GPBP1: variants seen among roughly 807,000 people sequenced by gnomAD.
GPBP1 encodes GC-rich promoter binding protein 1, also known as vasculin.
GPBP1 carries 13 observed loss-of-function variants against 56.5 expected under a neutral mutation model. That is an observed-to-expected ratio of 0.23 (90% CI 0.15 to 0.37). GPBP1 has a LOEUF of 0.37. Among genes scored for constraint, GPBP1 ranks in the 10% least tolerant of loss-of-function variants. The pLI is 1.00. For synonymous variants in GPBP1, 204 were observed against 188.9 expected (o/e 1.08, Z -0.66); for missense variants, 477 against 572.3 (o/e 0.83, Z 1.70).
intron 6 of GPBP1, among the ~76,000 whole-genome samples, chr5:57,240,103 T>C (rs1406342685): frequency 6.6e-6 from 1 of 151,942 alleles, no homozygotes; most frequent in African/African-American, 2.4e-5. Context: ...AATAAAAAAT[T>C]AACTGGACGT....
chr5:57,240,171 A>C (rs1012847085), intron 6 of GPBP1, among the ~76,000 whole-genome samples: 5 of 152,036 alleles, frequency 3.3e-5, no homozygotes, highest in Non-Finnish European at 4.4e-5. Flanking sequence ...GGACTGCTTG[A>C]GCCCATGATT....
chr5:57,232,147 C>T (rs1237176224), intron 5 of GPBP1, among the ~76,000 whole-genome samples: 1 of 151,974 alleles, frequency 6.6e-6, no homozygotes, highest in African/African-American at 2.4e-5. Context: ...TTGAGTAGCT[C>T]CTCTAGGACT....
chr5:57,209,290 G>A (rs1382537213), intron 2 of GPBP1, among the ~76,000 whole-genome samples: 2 of 151,998 alleles, frequency 1.3e-5, no homozygotes, highest in Non-Finnish European at 1.5e-5. Flanking sequence ...TTCCCAATTT[G>A]GATGCCATTT....
At chr5:57,248,520 C>T (rs2408687) in intron 8 of GPBP1, among the ~76,000 whole-genome samples, 85,492 of 150,008 alleles carry the variant, frequency 0.57, 24,505 homozygotes, top group East Asian at 0.84. Flanking sequence ...CTCCGCCTCC[C>T]GGGTTCACGC....
intron 6 of GPBP1, chr5:57,245,619 A>G (rs1340109382): frequency 6.6e-6 from 1 of 152,228 alleles, no homozygotes; most frequent in Non-Finnish European, 1.5e-5. Flanking sequence ...TGATTAAATT[A>G]TAGGAATAAT....
intron 3 of GPBP1, among the ~76,000 whole-genome samples, chr5:57,226,856 C>CA (rs931642412): frequency 6.7e-6 from 1 of 148,876 alleles, no homozygotes; most frequent in Non-Finnish European, 1.5e-5. Context: ...TCTCCTGCCT[C>CA]AGTCTCCCAA....
intron 5 of GPBP1, among the ~76,000 whole-genome samples, chr5:57,234,606 G>A (rs1233035067): frequency 6.6e-6 from 1 of 152,070 alleles, no homozygotes; most frequent in East Asian, 1.9e-4. Context: ...AAATTATTGG[G>A]GCCAGTCTAA....
chr5:57,206,750 C>T (rs1038429054), intron 2 of GPBP1, among the ~76,000 whole-genome samples: 1 of 152,124 alleles, frequency 6.6e-6, no homozygotes, highest in Admixed American at 6.6e-5. Flanking sequence ...TTTGAAAAGA[C>T]AATTCCGTAT....
chr5:57,219,712 T>G (rs1261451815), intron 3 of GPBP1, among the ~76,000 whole-genome samples: 1 of 152,120 alleles, frequency 6.6e-6, no homozygotes, highest in Non-Finnish European at 1.5e-5. Context: ...TAAGACTTCT[T>G]GTAATTTTTA....
chr5:57,178,128 C>A (rs1036342457), intron 2 of GPBP1, among the ~76,000 whole-genome samples: 1 of 152,164 alleles, frequency 6.6e-6, no homozygotes, highest in South Asian at 2.1e-4. Flanking sequence ...GTATTTTGTT[C>A]ATTCCTCAAT....
chr5:57,220,531 C>G (rs910298858), intron 3 of GPBP1, among the ~76,000 whole-genome samples: 3 of 150,186 alleles, frequency 2.0e-5, no homozygotes, highest in Admixed American at 6.7e-5. Flanking sequence ...GTGATCTCTG[C>G]TCACTGTAAC....
At chr5:57,249,068 A>G in intron 8 of GPBP1, 1 of 170,684 alleles carries the variant, frequency 5.9e-6, no homozygotes, top group Non-Finnish European at 1.2e-5. Flanking sequence ...CTGTTACTGA[A>G]CTCTAGAACT....
chr5:57,187,529 G>T (rs140330047), intron 2 of GPBP1, among the ~76,000 whole-genome samples: 2 of 152,106 alleles, frequency 1.3e-5, no homozygotes, highest in African/African-American at 2.4e-5. Context: ...TCCTCTGTCC[G>T]TGAAGTTTGC....
intron 2 of GPBP1, among the ~76,000 whole-genome samples, chr5:57,207,921 C>T (rs933117049): frequency 3.9e-5 from 6 of 152,038 alleles, no homozygotes; most frequent in African/African-American, 9.7e-5. Context: ...TGTGTTCTTC[C>T]GCCGATATGT....
chr5:57,221,031 A>AT (rs1755938660), intron 3 of GPBP1, among the ~76,000 whole-genome samples: 1 of 152,150 alleles, frequency 6.6e-6, no homozygotes, highest in African/African-American at 2.4e-5. Flanking sequence ...GGCAGTATTT[A>AT]TTTTTTGTTT....
chr5:57,216,411 G>C (rs185960934), intron 3 of GPBP1, among the ~76,000 whole-genome samples: 1 of 152,178 alleles, frequency 6.6e-6, no homozygotes, highest in Admixed American at 6.5e-5. Context: ...AGTATAACTG[G>C]GGAAAACGAT....
In GPBP1 at chr5:57,263,614, A is replaced by G. The variant is rs1350575422; in HGVS notation, c.*862A>G. On this transcript the variant is annotated 3_prime_UTR_variant, in exon 12 of 12. Coordinates refer to ENST00000506184, the MANE Select transcript of GPBP1 (RefSeq NM_022913.4). ...TGTTGTTTTCTGTAGTGTTCAAGGT[A>G]TTGTTTCTAAACATAAACATACTCT... is the stretch of plus-strand genomic sequence containing the variant. The G allele has an allele frequency of 6.6e-6, 1 of 152,192 alleles. No individual in the cohort carries two copies. The highest frequency in any genetic ancestry group is 2.4e-5 in the African/African-American group (1 of 41,458). 9.4% of individuals were successfully genotyped at this position (152,192 alleles called of 1,614,324 possible). A position where few individuals can be genotyped will look rare whatever the true frequency, so the allele number is the denominator to read the frequency against.
intron 2 of GPBP1, among the ~76,000 whole-genome samples, chr5:57,180,772 C>T (rs148274686): frequency 0.02 from 3,101 of 152,156 alleles, 106 homozygotes; most frequent in African/African-American, 0.071. Context: ...GACAGAGTCT[C>T]GCTCTGTCAC....
chr5:57,174,924 C>G (rs747096515), intron 1 of GPBP1, among the ~76,000 whole-genome samples: 2 of 152,176 alleles, frequency 1.3e-5, no homozygotes, highest in African/African-American at 2.4e-5. Context: ...GTTTGCCCTA[C>G]TTCTAGTTCA....
Sources: allele counts gnomAD v4.1 joint callset (sites outside exome capture counted in the v4.1 genomes callset), GRCh38; gene constraint gnomAD v4.1.1; transcripts MANE v1.5; gene names NCBI Gene and HGNC (gene_info 2026-07-23, HGNC 2026-07-21).